Variants in BMP8B observed in about 807,000 individuals in gnomAD.
BMP8B encodes the protein bone morphogenetic protein 8b.
Under a neutral mutation model 30.3 loss-of-function variants are expected in BMP8B, and 17 were observed. The observed-to-expected ratio is 0.56, with a 90% CI of 0.38 to 0.84. The LOEUF (loss-of-function observed/expected upper bound fraction) is 0.84, where lower values mean the gene tolerates loss of function less well. Among genes scored for constraint, BMP8B ranks in the 40% least tolerant of loss-of-function variants. The pLI, the probability that BMP8B is intolerant of heterozygous loss-of-function variation, is 0.00. For missense variants in BMP8B, 253 were observed against 494.6 expected (o/e 0.51, Z 4.63); for synonymous variants, 131 against 214.7 (o/e 0.61, Z 3.41).
intron 3 of BMP8B, among the ~76,000 whole-genome samples, chr1:39,767,236 T>C (rs1042007331): frequency 6.6e-6 from 1 of 152,130 alleles, no homozygotes; most frequent in Non-Finnish European, 1.5e-5. Flanking sequence ...CTAGGGAACC[T>C]TGGAAGCAGC....
chr1:39,759,519 G>A lies in BMP8B; in HGVS notation c.*900C>T, dbSNP rs183319635. The A allele has an allele frequency of 1.1e-4, 17 of 152,370 alleles. No individual in the cohort carries two copies. Among genetic ancestry groups the A allele is most frequent in the Non-Finnish European group, 2.4e-4 (16 of 68,052 alleles). 9.4% of individuals were successfully genotyped at this position (152,370 alleles called of 1,614,324 possible). ...ATTTGGAAGAAAAACATTCCAGATT[G>A]ATTACTGATGTCTGCCATTCAGAGG... On this transcript the variant is annotated 3_prime_UTR_variant, in exon 7 of 7. Transcript: ENST00000372827.
At chr1:39,777,890 C>G (rs1810963) in intron 1 of BMP8B, among the ~76,000 whole-genome samples, 53,058 of 151,442 alleles carry the variant, frequency 0.35, 10,412 homozygotes, top group African/African-American at 0.55. Context: ...AGCTGCTCTC[C>G]CCGGGTGGCC....
chr1:39,762,127 C>T (rs1402422503), intron 6 of BMP8B, among the ~76,000 whole-genome samples: 4 of 152,232 alleles, frequency 2.6e-5, no homozygotes, highest in Non-Finnish European at 4.4e-5. Context: ...CCAGCAAACA[C>T]CATTTGACTG....
chr1:39,788,463 A>AGCGGGCCGGGGAGCGCGGTCATG lies in BMP8B; in HGVS notation c.-1_22dup (p.Leu8ProfsTer2), dbSNP rs1553131194. 4.9e-6 allele frequency: 5 copies of AGCGGGCCGGGGAGCGCGGTCATG among 1,026,112 alleles called. No individual in the cohort carries two copies. The Admixed American group carries it at 2.3e-4, about 47-fold the overall frequency. The allele number at this position is 1,026,112 out of a possible 1,614,324, so 63.6% of individuals were successfully genotyped here. ...GCATAGCGCCAGGCCCAGGAGCCAG[A>AGCGGGCCGGGGAGCGCGGTCATG]GCGGGCCGGGGAGCGCGGTCATGGC... On this transcript the variant is annotated stop_gained and frameshift_variant, in exon 1 of 7. Transcript: ENST00000372827. LOFTEE classifies it high-confidence loss of function. The surrounding 1 kb of genome is among the most constrained non-coding windows in gnomAD (Gnocchi z 5.8).
At position 39,787,275 on chromosome 1, in the gene BMP8B, C is replaced by A. The variant is rs190411224; in HGVS notation, c.334+877G>T. ...TCCCTCCTCTCAGCCCCACAGCTCC[C>A]CGACTTTGGGCTGATCTGTGGTCCT... is the stretch of plus-strand genomic sequence containing the variant. On this transcript the variant is annotated intron_variant, in intron 1 of 6. Transcript: ENST00000372827. Among the ~76,000 whole-genome samples the A allele has an allele frequency of 2.4e-3, 369 of 152,246 alleles. 1 individual carries two copies. Among genetic ancestry groups the A allele is most frequent in the African/African-American group, 8.4e-3 (348 of 41,546 alleles).
intron 4 of BMP8B, 112 bp from the exon 5 acceptor site, chr1:39,763,903 G>C: frequency 8.0e-7 from 1 of 1,257,506 alleles, no homozygotes; most frequent in Middle Eastern, 2.6e-4. Context: ...ATAAATGAAT[G>C]ACAGGAAACC....
At chr1:39,766,178 C>T (rs1288184933) in intron 3 of BMP8B, among the ~76,000 whole-genome samples, 4 of 146,246 alleles carry the variant, frequency 2.7e-5, no homozygotes, top group African/African-American at 1.0e-4. Context: ...GGTTATTTCC[C>T]GGCTTTCATG....
chr1:39,763,591 A>C lies in BMP8B; in HGVS notation c.948+121T>G, dbSNP rs564555384. ...TCTCACTTTAGAAAACTTGGAAAAC[A>C]CAGAAGAAAAAAATACATAAGAAAA... On this transcript the variant is annotated intron_variant, in intron 5 of 6. Transcript: ENST00000372827. 15 of 1,386,046 alleles carry C rather than the reference A, an allele frequency of 1.1e-5. 1 individual carries two copies. Among genetic ancestry groups the C allele is most frequent in the Admixed American group, 2.6e-5 (1 of 38,652 alleles). 85.9% of individuals were successfully genotyped at this position (1,386,046 alleles called of 1,614,324 possible). A position where few individuals can be genotyped will look rare whatever the true frequency, so the allele number is the denominator to read the frequency against.
At chr1:39,775,260 C>T (rs1037295062) in intron 1 of BMP8B, among the ~76,000 whole-genome samples, 11 of 152,168 alleles carry the variant, frequency 7.2e-5, no homozygotes, top group Non-Finnish European at 1.0e-4. Context: ...TCACCCTGAG[C>T]CCCGCAGCTG....
intron 3 of BMP8B, among the ~76,000 whole-genome samples, chr1:39,768,136 G>A (rs1649729895): frequency 6.6e-6 from 1 of 151,432 alleles, no homozygotes; most frequent in African/African-American, 2.4e-5. Context: ...TATAGATTCA[G>A]GAGGAAATGC....
At chr1:39,786,654 G>A (rs1313296579) in intron 1 of BMP8B, among the ~76,000 whole-genome samples, 1 of 152,114 alleles carries the variant, frequency 6.6e-6, no homozygotes, top group Non-Finnish European at 1.5e-5. Context: ...ACTCTTCTTG[G>A]TCCTGAGCCC....
In BMP8B at chr1:39,758,624, A is replaced by G. The variant is rs1648542712; in HGVS notation, c.*1795T>C. 6.6e-6 allele frequency: 1 copy of G among 152,282 alleles called. No homozygotes were observed. Among genetic ancestry groups the G allele is most frequent in the Non-Finnish European group, 1.5e-5 (1 of 68,066 alleles). 9.4% of individuals were successfully genotyped at this position (152,282 alleles called of 1,614,324 possible). On this transcript the variant is annotated 3_prime_UTR_variant, in exon 7 of 7. Coordinates refer to ENST00000372827, the MANE Select transcript of BMP8B (RefSeq NM_001720.5). ...TTCTGGCTCACTATGAGGAGTTGGT[A>G]GACAGATTCTTTGGCTGAAGGTTGT...
At chr1:39,777,484 C>T (rs1650311190) in intron 1 of BMP8B, among the ~76,000 whole-genome samples, 1 of 152,202 alleles carries the variant, frequency 6.6e-6, no homozygotes, top group South Asian at 2.1e-4. Context: ...CAGGAAAGGC[C>T]CTGTGGGCAG....
In BMP8B at chr1:39,757,238, A is replaced by C. The variant is rs1207351710; in HGVS notation, c.*3181T>G. 1 of 152,270 alleles carries C rather than the reference A, an allele frequency of 6.6e-6. No homozygotes were observed. Among genetic ancestry groups the C allele is most frequent in the Non-Finnish European group, 1.5e-5 (1 of 68,050 alleles). 9.4% of individuals were successfully genotyped at this position (152,270 alleles called of 1,614,324 possible). A position where few individuals can be genotyped will look rare whatever the true frequency, so the allele number is the denominator to read the frequency against. On this transcript the variant is annotated 3_prime_UTR_variant, in exon 7 of 7. Coordinates refer to ENST00000372827, the MANE Select transcript of BMP8B (RefSeq NM_001720.5). ...ATAGAAGTGGCTCAAAAATAAGCAA[A>C]TTCATTTGTAATAATACCAGCAAAT...
intron 1 of BMP8B, among the ~76,000 whole-genome samples, chr1:39,778,700 C>T (rs1425239632): frequency 9.8e-5 from 15 of 152,354 alleles, no homozygotes; most frequent in Middle Eastern, 6.8e-3. Flanking sequence ...ACATCAAGCC[C>T]GCCAAGGCCA....
In BMP8B at chr1:39,769,662, G is replaced by A. The variant is rs764690744; in HGVS notation, c.673+4646C>T. 10 of 1,523,788 alleles carry A rather than the reference G, an allele frequency of 6.6e-6. No individual in the cohort carries two copies. The East Asian group carries it at 9.4e-5, about 14-fold the overall frequency. 94.4% of individuals were successfully genotyped at this position (1,523,788 alleles called of 1,614,324 possible). The stretch of plus-strand genomic sequence containing the variant: ...TCCCCTGGGGAACCCGGTGGCACCC[G>A]CCCTGAGGAGCGCACCACCCCGCCC... On this transcript the variant is annotated intron_variant, in intron 3 of 6. Coordinates refer to ENST00000372827, the MANE Select transcript of BMP8B (RefSeq NM_001720.5).
Position 39,760,170 on chromosome 1 carries a change from G to T in BMP8B, c.*249C>A. ...GGACATGCCTCCGGGAGAGGCGTTT[G>T]CATTTGGGTAGAACACTGCCTGATG... On this transcript the variant is annotated 3_prime_UTR_variant, in exon 7 of 7. Transcript: ENST00000372827. The T allele has an allele frequency of 8.1e-6, 5 of 620,684 alleles. No individual in the cohort carries two copies. The highest frequency in any genetic ancestry group is 3.1e-5 in the East Asian group (1 of 32,528). The allele number at this position is 620,684 out of a possible 1,614,324, so 38.4% of individuals were successfully genotyped here.
At chr1:39,762,063 G>A (rs894236851) in intron 6 of BMP8B, among the ~76,000 whole-genome samples, 3 of 152,190 alleles carry the variant, frequency 2.0e-5, no homozygotes, top group South Asian at 2.1e-4. Context: ...GGGCTGGGCC[G>A]CCCCACGCGT....
Position 39,784,674 on chromosome 1 carries a change from C to T in BMP8B, c.334+3478G>A, listed in dbSNP as rs1212534977. On this transcript the variant is annotated intron_variant, in intron 1 of 6. Coordinates refer to ENST00000372827, the MANE Select transcript of BMP8B (RefSeq NM_001720.5). Reference sequence around the variant, plus strand: ...CTGGTAAAGAACCAAAGGAAGTGGCCCTGGGGCCCACGGAGATGGTGCCAC... The same window carrying T: ...CTGGTAAAGAACCAAAGGAAGTGGCTCTGGGGCCCACGGAGATGGTGCCAC... Among the ~76,000 whole-genome samples, 2 of 122,218 alleles carry T rather than the reference C, an allele frequency of 1.6e-5. 1 individual carries two copies. The highest frequency in any genetic ancestry group is 3.7e-5 in the Non-Finnish European group (2 of 54,478). 80.2% of individuals were successfully genotyped at this position (122,218 alleles called of 152,430 possible).
Sources: allele counts gnomAD v4.1 joint callset (sites outside exome capture counted in the v4.1 genomes callset), GRCh38; gene constraint gnomAD v4.1.1; non-coding constraint Gnocchi (gnomAD v3.1); transcripts MANE v1.5; gene names NCBI Gene and HGNC (gene_info 2026-07-23, HGNC 2026-07-21).